The following RIPOR3 variants were observed in gnomAD, a reference collection of about 807,000 sequenced individuals.
RIPOR3 encodes family with sequence similarity 65 member C.
A neutral mutation model predicts 114.3 loss-of-function variants in RIPOR3; 95 were observed. That is an observed-to-expected ratio of 0.83 (90% confidence interval 0.70 to 0.99). The LOEUF is 0.99. Among genes scored for constraint, RIPOR3 ranks in the 50% least tolerant of loss-of-function variants. The pLI, the probability that RIPOR3 is intolerant of heterozygous loss-of-function variation, is 0.00. For missense variants in RIPOR3, 1,252 were observed against 1,266.9 expected, an observed-to-expected ratio of 0.99 and a Z score of 0.18; for synonymous variants, 575 against 543.8, an observed-to-expected ratio of 1.06 and a Z score of -0.80.
intron 4 of RIPOR3, among the ~76,000 whole-genome samples, chr20:50,615,108 AGTGTGTGTGTGTGTGTGTGTGTGT>A (rs56136460): frequency 7.2e-6 from 1 of 138,414 alleles, no homozygotes; most frequent in Non-Finnish European, 1.5e-5. Context: ...GCTATTTGTG[AGTGTGTGTGTGTGTGTGTGTGTGT>A]GTGTGTGTGT....
intron 1 of RIPOR3, among the ~76,000 whole-genome samples, chr20:50,652,608 A>G (rs6096048): frequency 0.19 from 27,176 of 146,500 alleles, 3,013 homozygotes; most frequent in African/African-American, 0.3. Context: ...AAAAAAAAAA[A>G]AAAAAGAAAA....
chr20:50,645,166 T>A (rs987531315), intron 1 of RIPOR3, among the ~76,000 whole-genome samples: 1 of 152,072 alleles, frequency 6.6e-6, no homozygotes. Context: ...TACAGTAGTT[T>A]ACAAAAAAAT....
chr20:50,608,574 C>T, intron 10 of RIPOR3, 39 bp downstream of exon 10: 3 of 1,613,718 alleles, frequency 1.9e-6, no homozygotes, highest in South Asian at 2.2e-5. Flanking sequence ...GAGCCGAACA[C>T]CCAGGCACCC....
At chr20:50,614,514 A>G (rs911491113) in intron 4 of RIPOR3, 5 of 169,096 alleles carry the variant, frequency 3.0e-5, no homozygotes, top group African/African-American at 1.2e-4. Context: ...AATCTAATTC[A>G]TTAAGGACAT....
At chr20:50,670,970 C>G (rs1002990016) in intron 1 of RIPOR3, among the ~76,000 whole-genome samples, 2 of 152,096 alleles carry the variant, frequency 1.3e-5, no homozygotes, top group Non-Finnish European at 2.9e-5. Context: ...CCCTGACACC[C>G]AGGCTGGAGT....
intron 1 of RIPOR3, among the ~76,000 whole-genome samples, chr20:50,634,220 G>A (rs541461997): frequency 5.3e-5 from 8 of 151,990 alleles, no homozygotes; most frequent in Non-Finnish European, 1.2e-4. Context: ...GAGCTCAAGC[G>A]ATCCACCCAC....
chr20:50,668,119 T>C (rs2086321307), intron 1 of RIPOR3, among the ~76,000 whole-genome samples: 1 of 152,132 alleles, frequency 6.6e-6, no homozygotes, highest in Non-Finnish European at 1.5e-5. Context: ...CTGCCCTCAG[T>C]CTGAGGCTTG....
chr20:50,652,544 T>C (rs1474797538), intron 1 of RIPOR3, among the ~76,000 whole-genome samples: 1 of 133,978 alleles, frequency 7.5e-6, no homozygotes, highest in East Asian at 2.1e-4. Flanking sequence ...TGAGCCGAGA[T>C]TGCAACACGG....
In RIPOR3 at chr20:50,602,177, C is replaced by T; in HGVS notation, c.1554G>A (p.Glu518=). 1 of 1,613,138 alleles carries T rather than the reference C, an allele frequency of 6.2e-7. No homozygotes were observed. The highest frequency in any genetic ancestry group is 8.5e-7 in the Non-Finnish European group (1 of 1,179,774). Residue 518 remains glutamate (E), a synonymous_variant, in exon 13 of 22, where the codon GAG becomes GAA. Coordinates refer to ENST00000327979, the MANE Select transcript of RIPOR3 (RefSeq NM_001290268.2). This position sits in a 1 kb window ranked among gnomAD's most constrained non-coding sequence, Gnocchi z 4.3. ...ACTCCAGGACCTCCTGCAGAGGCCC[C>T]TCGAGGGCCACGCCAGGCCCGTCCT... ...DREDGPGVAL[E]GPLQEVLELL...
intron 1 of RIPOR3, among the ~76,000 whole-genome samples, chr20:50,634,901 C>T (rs112595112): frequency 1.8e-4 from 28 of 152,226 alleles, no homozygotes; most frequent in African/African-American, 5.8e-4. Flanking sequence ...GGCGTGGTGG[C>T]GCATGCCTGT....
At chr20:50,595,796 G>A (rs868022462) in intron 15 of RIPOR3, among the ~76,000 whole-genome samples, 4 of 152,196 alleles carry the variant, frequency 2.6e-5, no homozygotes, top group African/African-American at 4.8e-5. Flanking sequence ...ATTTGAACCC[G>A]TGCATCCAGC....
At chr20:50,644,409 A>G (rs1296996067) in intron 1 of RIPOR3, among the ~76,000 whole-genome samples, 1 of 152,248 alleles carries the variant, frequency 6.6e-6, no homozygotes, top group African/African-American at 2.4e-5. Context: ...GCACATGTAT[A>G]CATGTTAAAT....
intron 1 of RIPOR3, among the ~76,000 whole-genome samples, chr20:50,640,095 C>T (rs2123318509): frequency 6.6e-6 from 1 of 152,218 alleles, no homozygotes; most frequent in East Asian, 1.9e-4. Context: ...TGGTTGGCTA[C>T]AGTATTGCTC....
rs2082951553 is a variant in RIPOR3, at chr20:50,587,329, T to G, written c.2756A>C (p.Glu919Ala). 6.2e-7 allele frequency: 1 copy of G among 1,613,896 alleles called. No homozygotes were observed. The highest frequency in any genetic ancestry group is 8.5e-7 in the Non-Finnish European group (1 of 1,179,934). Residue 919 changes from glutamate (E) to alanine (A), a missense_variant, in exon 22 of 22, where the codon GAA becomes GCA. Coordinates refer to ENST00000327979, the MANE Select transcript of RIPOR3 (RefSeq NM_001290268.2). ...AARETTLSFG[E>A]KGRLAFEKMD... is the part of the protein sequence containing the mutation. Reference sequence around the variant, plus strand: ...CTTCTCAAAAGCTAACCGTCCTTTTTCACCTGAAATAGCAAAGGGACCTGT... The same window carrying G: ...CTTCTCAAAAGCTAACCGTCCTTTTGCACCTGAAATAGCAAAGGGACCTGT...
At chr20:50,622,633 C>T (rs940894899) in intron 2 of RIPOR3, among the ~76,000 whole-genome samples, 1 of 151,726 alleles carries the variant, frequency 6.6e-6, no homozygotes, top group Admixed American at 6.6e-5. Context: ...TGAATAGCCT[C>T]GTGAAGCAGA....
chr20:50,621,363 C>T (rs994824083), intron 2 of RIPOR3, among the ~76,000 whole-genome samples: 2 of 152,196 alleles, frequency 1.3e-5, no homozygotes, highest in African/African-American at 4.8e-5. Context: ...TCCTCTGGGG[C>T]ACCTCCCCAG....
Position 50,587,278 on chromosome 20 carries a change from C to A in RIPOR3, c.2807G>T (p.Arg936Ile), listed in dbSNP as rs267605990. The A allele has an allele frequency of 6.2e-7, 1 of 1,614,136 alleles. No individual in the cohort carries two copies. Among genetic ancestry groups the A allele is most frequent in the African/African-American group, 1.3e-5 (1 of 74,952 alleles). Reference protein sequence around the residue: ...EKMDKLCSEQREVFCQEADVE... With the variant: ...EKMDKLCSEQIEVFCQEADVE... ...ATCTGCCTCCTGGCAAAAGACTTCTCTTTGTTCTGAGCAGAGCTTGTCCAT... is the reference window on the plus strand; with the variant it reads ...ATCTGCCTCCTGGCAAAAGACTTCTATTTGTTCTGAGCAGAGCTTGTCCAT... Residue 936 changes from arginine (R) to isoleucine (I), a missense_variant, in exon 22 of 22, where the codon AGA becomes ATA. By Grantham distance (97) the Arg-to-Ile change is moderately conservative (BLOSUM62 -3). Coordinates refer to ENST00000327979, the MANE Select transcript of RIPOR3 (RefSeq NM_001290268.2).
At chr20:50,671,254 T>G (rs6020676) in intron 1 of RIPOR3, among the ~76,000 whole-genome samples, 125,253 of 152,140 alleles carry the variant, frequency 0.82, 52,229 homozygotes, top group East Asian at 0.96. Flanking sequence ...CTCCCACAGT[T>G]CTGGGATTAC....
intron 2 of RIPOR3, among the ~76,000 whole-genome samples, chr20:50,630,295 T>C (rs952630512): frequency 1.3e-5 from 2 of 152,100 alleles, no homozygotes; most frequent in Admixed American, 1.3e-4. Flanking sequence ...AAAAAAATTT[T>C]TGTAGAGATT....
Sources: gnomAD v4.1 joint callset for allele counts (sites outside exome capture counted in the v4.1 genomes callset) on GRCh38, gnomAD v4.1.1 for gene constraint, Gnocchi (gnomAD v3.1) non-coding constraint, MANE v1.5 for transcripts, NCBI Gene and HGNC (gene_info 2026-07-23, HGNC 2026-07-21) for gene names.